The following LIPJ variants were observed in gnomAD, a reference collection of about 807,000 sequenced individuals.
LIPJ encodes lipase family member J, also known as lipase member J.
LIPJ carries 33 observed loss-of-function variants against 39.8 expected under a neutral mutation model. That is an observed-to-expected ratio of 0.83 (90% CI 0.63 to 1.11). The LOEUF (loss-of-function observed/expected upper bound fraction) is 1.11. Among genes scored for constraint, LIPJ ranks in the 50% least tolerant of loss-of-function variants. The pLI, the probability that LIPJ is intolerant of heterozygous loss-of-function variation, is 0.00. For synonymous variants in LIPJ, 128 were observed against 139.2 expected (o/e 0.92, Z 0.57); for missense variants, 422 against 427.9 (o/e 0.99, Z 0.12).
At chr10:88,609,960 C>T (rs939142310), downstream of LIPJ, among the ~76,000 whole-genome samples, 4 of 150,822 alleles carry the variant, frequency 2.7e-5, no homozygotes. Context: ...GTATCTACAT[C>T]CCAGCAACAT....
chr10:88,613,602 G>T, the LIPJ span, among the ~76,000 whole-genome samples: 1 of 151,486 alleles, frequency 6.6e-6, no homozygotes, highest in East Asian at 1.9e-4. Flanking sequence ...GAATCTCTAA[G>T]ATTCCATTTA....
At chr10:88,583,768 A>G (rs911388860), upstream of LIPJ, 12 of 939,478 alleles carry the variant, frequency 1.3e-5, no homozygotes, top group African/African-American at 1.6e-4. Context: ...CTGAACCTCA[A>G]TTTCTCCATC....
chr10:88,589,031 C>A (rs1851000967), intron 2 of LIPJ, among the ~76,000 whole-genome samples: 1 of 151,752 alleles, frequency 6.6e-6, no homozygotes, highest in Admixed American at 6.6e-5. Flanking sequence ...GCAGTCAAAA[C>A]CTACATGCCT....
the LIPJ span, among the ~76,000 whole-genome samples, chr10:88,612,263 G>T: frequency 1.4e-4 from 21 of 152,144 alleles, no homozygotes; most frequent in African/African-American, 4.8e-4. Flanking sequence ...GCTAAAAGGA[G>T]CTCTAAATCT....
chr10:88,583,235 C>G (rs762060634), upstream of LIPJ: 1 of 1,607,518 alleles, frequency 6.2e-7, no homozygotes, highest in Non-Finnish European at 8.5e-7. Context: ...GCGGCGGGGC[C>G]GTTCGGCCCG....
downstream of LIPJ, among the ~76,000 whole-genome samples, chr10:88,611,354 G>A (rs999822847): frequency 6.6e-6 from 1 of 152,114 alleles, no homozygotes; most frequent in African/African-American, 2.4e-5. Flanking sequence ...GACAAAAAAA[G>A]TTACTTTAAC....
At chr10:88,597,732 C>A (rs746128897) in intron 8 of LIPJ, among the ~76,000 whole-genome samples, 39 of 151,918 alleles carry the variant, frequency 2.6e-4, no homozygotes, top group Non-Finnish European at 5.2e-4. Context: ...AAACTCAGTT[C>A]TCGTCTTTTC....
chr10:88,614,128 G>A, the LIPJ span, among the ~76,000 whole-genome samples: 86 of 151,786 alleles, frequency 5.7e-4, no homozygotes, highest in African/African-American at 2.0e-3. Context: ...AAATTTGAAC[G>A]ATAATTGGTT....
the LIPJ span, among the ~76,000 whole-genome samples, chr10:88,614,825 G>T: frequency 2.0e-5 from 3 of 152,098 alleles, no homozygotes; most frequent in Non-Finnish European, 4.4e-5. Flanking sequence ...GACAGTGAAA[G>T]ATTTTTGCAA....
chr10:88,620,920 C>T, the LIPJ span, among the ~76,000 whole-genome samples: 28 of 152,220 alleles, frequency 1.8e-4, no homozygotes, highest in Admixed American at 9.8e-4. Flanking sequence ...TTCATGGTTT[C>T]CTCTTGGGCA....
chr10:88,615,800 T>G, the LIPJ span, among the ~76,000 whole-genome samples: 1 of 152,156 alleles, frequency 6.6e-6, no homozygotes, highest in Non-Finnish European at 1.5e-5. Context: ...AAATATCTAC[T>G]AAAGCTAAAC....
chr10:88,597,973 A>C (rs539910282), intron 8 of LIPJ, among the ~76,000 whole-genome samples: 3 of 151,914 alleles, frequency 2.0e-5, no homozygotes, highest in Non-Finnish European at 4.4e-5. Context: ...TTTTGTGTAT[A>C]AATTATTAGA....
chr10:88,608,048 C>T (rs940993006), downstream of LIPJ, among the ~76,000 whole-genome samples: 2 of 152,222 alleles, frequency 1.3e-5, no homozygotes, highest in African/African-American at 4.8e-5. Flanking sequence ...GGTGACAACA[C>T]TCTGCTCTTA....
chr10:88,598,406 A>C (rs1256819460), intron 8 of LIPJ, among the ~76,000 whole-genome samples: 3 of 152,056 alleles, frequency 2.0e-5, no homozygotes, highest in African/African-American at 7.2e-5. Flanking sequence ...AAATGCTCAC[A>C]ATGTGACTTG....
At chr10:88,613,800 A>ATATATGTGTGTGTGTGTG in the LIPJ span, among the ~76,000 whole-genome samples, 18 of 74,168 alleles carry the variant, frequency 2.4e-4, no homozygotes, top group African/African-American at 8.7e-4. Context: ...ATATATATAT[A>ATATATGTGTGTGTGTGTG]TGTGTGTGTG....
chr10:88,583,374 G>T (rs140037736), upstream of LIPJ: 1 of 1,393,204 alleles, frequency 7.2e-7, no homozygotes, highest in East Asian at 2.8e-5. Context: ...GGAGCTGAGA[G>T]GCCCCTCCGT....
At chr10:88,588,959 C>T (rs1027157323) in intron 2 of LIPJ, among the ~76,000 whole-genome samples, 3 of 151,706 alleles carry the variant, frequency 2.0e-5, no homozygotes, top group Admixed American at 6.6e-5. Flanking sequence ...AGGCTTATCC[C>T]TCTGTGTTTT....
At chr10:88,590,823 C>A (rs1444598093) in intron 3 of LIPJ, 127 bp downstream of exon 3, 6 of 651,130 alleles carry the variant, frequency 9.2e-6, no homozygotes, top group Non-Finnish European at 1.3e-5. Flanking sequence ...TTCTCATCTG[C>A]TATTCTATAG....
chr10:88,583,456 T>TGCCC (rs978725364), upstream of LIPJ: 1 of 1,316,858 alleles, frequency 7.6e-7, no homozygotes, highest in Non-Finnish European at 9.7e-7. Context: ...CCGGGCGCCC[T>TGCCC]GCCCCTCGCC....
Sources: gnomAD v4.1 joint callset for allele counts (sites outside exome capture counted in the v4.1 genomes callset) on GRCh38, gnomAD v4.1.1 for gene constraint, MANE v1.5 for transcripts, NCBI Gene and HGNC (gene_info 2026-07-23, HGNC 2026-07-21) for gene names.